The following C3orf52 variants were observed in gnomAD, a reference collection of about 807,000 sequenced individuals.
C3orf52 encodes the protein chromosome 3 open reading frame 52.
C3orf52 carries 22 observed loss-of-function variants against 24.8 expected under a neutral mutation model. The observed-to-expected ratio is 0.89, with a 90% CI of 0.63 to 1.27. C3orf52 has a LOEUF of 1.27. Among genes scored for constraint, C3orf52 ranks in the 50% most tolerant of loss-of-function variants. The pLI, the probability that C3orf52 is intolerant of heterozygous loss-of-function variation, is 0.00. For missense variants in C3orf52, 265 were observed against 260.7 expected (o/e 1.02, Z -0.11); for synonymous variants, 93 against 100.2 (o/e 0.93, Z 0.43).
chr3:112,110,145 C>T (rs141155153), intron 4 of C3orf52, among the ~76,000 whole-genome samples: 4 of 152,158 alleles, frequency 2.6e-5, no homozygotes, highest in East Asian at 1.9e-4. Context: ...GCCTGGCCAA[C>T]GTGGTGAAAC....
At chr3:112,092,355 AT>A (rs1029645272) in intron 1 of C3orf52, among the ~76,000 whole-genome samples, 4 of 152,138 alleles carry the variant, frequency 2.6e-5, no homozygotes, top group Non-Finnish European at 4.4e-5. Flanking sequence ...ATACAGACAC[AT>A]TTTTTCCCCA....
In C3orf52 at chr3:112,113,130, T is replaced by A; in HGVS notation, c.634T>A (p.Ser212Thr). 6.2e-7 allele frequency: 1 copy of A among 1,606,704 alleles called. No homozygotes were observed. Among genetic ancestry groups the A allele is most frequent in the Non-Finnish European group, 8.5e-7 (1 of 1,176,802 alleles). The change falls in exon 5 of 6, where the codon TCC (serine) becomes ACC (threonine). Residue 212 changes from serine (S) to threonine (T), a missense_variant. Physicochemically the swap from Ser to Thr is moderately conservative, Grantham distance 58. Coordinates refer to ENST00000264848, the MANE Select transcript of C3orf52 (RefSeq NM_024616.3). ...TGAGAGTCTGGGGCTTGATCCAACA[T>A]CCCTCTTGCTCTATGGTAAGTAGAG... is the stretch of plus-strand genomic sequence containing the variant. ...GCESLGLDPT[S>T]LLLYE
At position 112,113,108 on chromosome 3, in the gene C3orf52, G is replaced by C. The variant is rs371369308; in HGVS notation, c.612G>C (p.Glu204Asp). 2 of 1,611,022 alleles carry C rather than the reference G, an allele frequency of 1.2e-6. No individual in the cohort carries two copies. The highest frequency in any genetic ancestry group is 2.7e-5 in the African/African-American group (2 of 74,874). The change falls in exon 5 of 6, where the codon GAG becomes GAC. Residue 204 changes from glutamate (E) to aspartate (D), a missense_variant. Transcript: ENST00000264848. ...DFRDQNIPGC[E>D]SLGLDPTSLL... ...GTGATCAGAATATACCTGGTTGTGA[G>C]AGTCTGGGGCTTGATCCAACATCCC...
chr3:112,126,047 C>T (rs973085865), intron 4 of C3orf52, among the ~76,000 whole-genome samples: 1 of 152,206 alleles, frequency 6.6e-6, no homozygotes, highest in African/African-American at 2.4e-5. Flanking sequence ...TGGATTTCCA[C>T]ATCTCCATAA....
At chr3:112,088,628 A>G (rs1472253704) in intron 1 of C3orf52, among the ~76,000 whole-genome samples, 2 of 152,084 alleles carry the variant, frequency 1.3e-5, no homozygotes, top group African/African-American at 4.8e-5. Flanking sequence ...TATGTTTTTT[A>G]GATCTCAAAC....
intron 2 of C3orf52, among the ~76,000 whole-genome samples, chr3:112,096,042 T>C (rs574743847): frequency 2.7e-4 from 41 of 152,314 alleles, no homozygotes; most frequent in African/African-American, 9.4e-4. Flanking sequence ...CTGGATTTAC[T>C]GGGTGACTAA....
downstream of C3orf52, chr3:112,134,936 G>A (rs2074535361): frequency 6.5e-6 from 1 of 155,028 alleles, no homozygotes; most frequent in Non-Finnish European, 1.5e-5. Flanking sequence ...CACAGGAACA[G>A]AAAACATATT....
At chr3:112,086,600 C>G in intron 1 of C3orf52, 55 bp downstream of exon 1, 1 of 1,515,992 alleles carries the variant, frequency 6.6e-7, no homozygotes, top group Admixed American at 2.1e-5. Flanking sequence ...AGTAGTAGGA[C>G]CCGGGCCTGG....
In C3orf52 at chr3:112,089,860, T is replaced by C. The variant is rs566322965; in HGVS notation, c.138+3315T>C. On this transcript the variant is annotated intron_variant, in intron 1 of 5. Coordinates refer to ENST00000264848, the MANE Select transcript of C3orf52 (RefSeq NM_024616.3). Reference sequence around the variant, plus strand: ...GATGTAAATATCCGGGGAATGTTCATAGGAAAGCCCTGAAAATTCTTGAGC... The same window carrying C: ...GATGTAAATATCCGGGGAATGTTCACAGGAAAGCCCTGAAAATTCTTGAGC... Among the ~76,000 whole-genome samples, 6 of 152,304 alleles carry C rather than the reference T, an allele frequency of 3.9e-5. No homozygotes were observed. In the South Asian group the frequency reaches 1.2e-3, roughly 32 times the overall value.
chr3:112,116,910 T>C lies in C3orf52; in HGVS notation c.*264T>C. ...GTGGGGGCGATAGGGTCAGCGGGTA[T>C]GTCCCACTGTTGGAGGTCACTGGTA... On this transcript the variant is annotated 3_prime_UTR_variant, in exon 6 of 6. Coordinates refer to ENST00000264848, the MANE Select transcript of C3orf52 (RefSeq NM_024616.3). 1 of 1,537,128 alleles carries C rather than the reference T, an allele frequency of 6.5e-7. No homozygotes were observed. Among genetic ancestry groups the C allele is most frequent in the Non-Finnish European group, 8.7e-7 (1 of 1,146,796 alleles).
At chr3:112,092,577 T>C (rs1449341955) in intron 1 of C3orf52, among the ~76,000 whole-genome samples, 1 of 152,216 alleles carries the variant, frequency 6.6e-6, no homozygotes, top group Non-Finnish European at 1.5e-5. Flanking sequence ...GGCTCATCTC[T>C]CTGAATTGCG....
Position 112,117,044 on chromosome 3 carries a change from T to C in C3orf52, c.*398T>C. On this transcript the variant is annotated 3_prime_UTR_variant, in exon 6 of 6. Transcript: ENST00000264848. ...CATGGCACTGCTATTCTTGAAGCACTCCACCCACCTGGGCTACTTTTTCTT... is the reference window on the plus strand; with the variant it reads ...CATGGCACTGCTATTCTTGAAGCACCCCACCCACCTGGGCTACTTTTTCTT... The C allele has an allele frequency of 1.1e-6, 1 of 918,440 alleles. No individual in the cohort carries two copies. The highest frequency in any genetic ancestry group is 1.6e-6 in the Non-Finnish European group (1 of 617,332). 56.9% of individuals were successfully genotyped at this position (918,440 alleles called of 1,614,324 possible). A position where few individuals can be genotyped will look rare whatever the true frequency, so the allele number is the denominator to read the frequency against.
At chr3:112,134,737 C>A (rs2074532870), downstream of C3orf52, 1 of 152,914 alleles carries the variant, frequency 6.5e-6, no homozygotes, top group Non-Finnish European at 1.5e-5. Flanking sequence ...CCCAACTGAT[C>A]TTCATTGAGT....
chr3:112,102,836 A>G lies in C3orf52; in HGVS notation c.269-2A>G. 6.4e-7 allele frequency: 1 copy of G among 1,552,494 alleles called. No individual in the cohort carries two copies. The highest frequency in any genetic ancestry group is 8.7e-7 in the Non-Finnish European group (1 of 1,148,572). ...CATTTCCACCTCCCCTACTTTCTTT[A>G]GTAACTTATGTTGATGAAGATGAAA... On this transcript the variant is annotated splice_acceptor_variant, in intron 2 of 5. Coordinates refer to ENST00000264848, the MANE Select transcript of C3orf52 (RefSeq NM_024616.3). LOFTEE classifies it high-confidence loss of function.
intron 2 of C3orf52, among the ~76,000 whole-genome samples, chr3:112,101,452 A>G (rs1196240337): frequency 6.6e-6 from 1 of 152,138 alleles, no homozygotes; most frequent in African/African-American, 2.4e-5. Flanking sequence ...GCCTCTGCCT[A>G]CTATGCACTA....
At chr3:112,135,513 C>T (rs933221254), downstream of C3orf52, among the ~76,000 whole-genome samples, 2 of 152,164 alleles carry the variant, frequency 1.3e-5, no homozygotes, top group Admixed American at 1.3e-4. Flanking sequence ...CTTATGGCTG[C>T]TCTCCAAACT....
At chr3:112,107,895 G>T (rs2074041796) in intron 3 of C3orf52, among the ~76,000 whole-genome samples, 1 of 152,204 alleles carries the variant, frequency 6.6e-6, no homozygotes, top group South Asian at 2.1e-4. Context: ...CAGCGTCCTT[G>T]ACATTCCATT....
intron 4 of C3orf52, chr3:112,109,876 G>C (rs1392323184): frequency 2.8e-6 from 1 of 351,976 alleles, no homozygotes; most frequent in African/African-American, 2.1e-5. Flanking sequence ...GCCAGTCCCA[G>C]GTAAACCATT....
chr3:112,133,727 T>A (rs1369474629), downstream of C3orf52: 1 of 152,288 alleles, frequency 6.6e-6, no homozygotes, highest in Non-Finnish European at 1.5e-5. Context: ...ACAATGGCTA[T>A]AAAACCCTGA....
Sources: allele counts gnomAD v4.1 joint callset (sites outside exome capture counted in the v4.1 genomes callset), GRCh38; gene constraint gnomAD v4.1.1; transcripts MANE v1.5; gene names NCBI Gene and HGNC (gene_info 2026-07-23, HGNC 2026-07-21).